ARHGAP39: variants seen among roughly 807,000 people sequenced by gnomAD.
ARHGAP39 encodes Rho GTPase activating protein 39, also known as rho GTPase-activating protein 39.
Under a neutral mutation model 106.9 loss-of-function variants are expected in ARHGAP39, and 44 were observed. That is an observed-to-expected ratio of 0.41 (90% CI 0.32 to 0.53). The LOEUF (loss-of-function observed/expected upper bound fraction) is 0.53, where lower values mean the gene tolerates loss of function less well. Among genes scored for constraint, ARHGAP39 ranks in the 20% least tolerant of loss-of-function variants. The pLI is 0.21. For synonymous variants in ARHGAP39, 768 were observed against 693.2 expected (o/e 1.11, Z -1.69); for missense variants, 1,496 against 1,577.3 (o/e 0.95, Z 0.87).
At chr8:144,565,518 G>A (rs574299274) in intron 3 of ARHGAP39, among the ~76,000 whole-genome samples, 42 of 151,922 alleles carry the variant, frequency 2.8e-4, no homozygotes, top group African/African-American at 8.4e-4. Flanking sequence ...GCGAAACCCC[G>A]TCTCTACTAA....
intron 1 of ARHGAP39, among the ~76,000 whole-genome samples, chr8:144,621,930 A>ACT (rs1820817663): frequency 6.6e-6 from 1 of 152,240 alleles, no homozygotes; most frequent in African/African-American, 2.4e-5. Context: ...ACGCTCAGGT[A>ACT]CTCCTCAGAA....
intron 3 of ARHGAP39, among the ~76,000 whole-genome samples, chr8:144,571,883 T>A (rs932874551): frequency 6.6e-6 from 1 of 152,134 alleles, no homozygotes; most frequent in Admixed American, 6.6e-5. Flanking sequence ...CCATTCACAA[T>A]TACTACAAAG....
upstream of ARHGAP39, among the ~76,000 whole-genome samples, chr8:144,690,119 T>A (rs573188129): frequency 6.6e-6 from 1 of 150,900 alleles, no homozygotes; most frequent in African/African-American, 2.4e-5. Context: ...TTATTTATTT[T>A]TAAGATGGAG....
Position 144,547,991 on chromosome 8 carries a change from G to A in ARHGAP39, c.1095C>T (p.Pro365=). ...TGAGCACCAGCTGCTGGCAGGGCGA[G>A]GGGGGGCCCTGCTTGTTGGGCTGGA... ...PFLQPNKQGP[P]SPCQQLVLTK... is the part of the protein sequence containing the mutation. Residue 365 remains proline (P), a synonymous_variant, in exon 5 of 12, where the codon CCC becomes CCT. Coordinates refer to ENST00000377307, the MANE Select transcript of ARHGAP39 (RefSeq NM_025251.3). The surrounding 1 kb of genome is among the most constrained non-coding windows in gnomAD (Gnocchi z 5.2). 6.2e-7 allele frequency: 1 copy of A among 1,608,080 alleles called. No individual in the cohort carries two copies. Among genetic ancestry groups the A allele is most frequent in the Non-Finnish European group, 8.5e-7 (1 of 1,177,686 alleles).
At chr8:144,583,329 C>T (rs1819067837) in intron 2 of ARHGAP39, among the ~76,000 whole-genome samples, 1 of 152,248 alleles carries the variant, frequency 6.6e-6, no homozygotes, top group Non-Finnish European at 1.5e-5. Context: ...GGTTAACAGC[C>T]TTCACCCAGA....
chr8:144,660,744 C>T (rs1021868683), intron 1 of ARHGAP39, among the ~76,000 whole-genome samples: 3 of 152,070 alleles, frequency 2.0e-5, no homozygotes, highest in Non-Finnish European at 2.9e-5. Flanking sequence ...CTTTGGGAGG[C>T]CGAGGCAGGC....
chr8:144,570,889 T>G (rs11991472), intron 3 of ARHGAP39, among the ~76,000 whole-genome samples: 14,081 of 151,992 alleles, frequency 0.093, 1,531 homozygotes, highest in African/African-American at 0.26. Flanking sequence ...TAGAAGAAAT[T>G]GATAAATTCC....
intron 1 of ARHGAP39, among the ~76,000 whole-genome samples, chr8:144,627,368 C>T (rs920247876): frequency 1.1e-4 from 16 of 152,152 alleles, no homozygotes; most frequent in Middle Eastern, 3.4e-3. Flanking sequence ...CTGGCTAACA[C>T]GGTGAAACCC....
intron 1 of ARHGAP39, among the ~76,000 whole-genome samples, chr8:144,633,840 G>C (rs1821123940): frequency 6.6e-6 from 1 of 152,222 alleles, no homozygotes; most frequent in South Asian, 2.1e-4. Context: ...CATGCCTGGT[G>C]AACCTATATT....
intron 1 of ARHGAP39, among the ~76,000 whole-genome samples, chr8:144,617,311 G>A (rs1191989928): frequency 4.0e-5 from 6 of 150,726 alleles, no homozygotes; most frequent in Non-Finnish European, 6.0e-5. Flanking sequence ...CGTCTCAAAG[G>A]GCTTCTCACC....
chr8:144,676,057 A>G lies in ARHGAP39; in HGVS notation c.-82+9629T>C, dbSNP rs1022304311. Among the ~76,000 whole-genome samples the G allele has an allele frequency of 6.6e-5, 10 of 152,328 alleles. No homozygotes were observed. The East Asian group carries it at 1.9e-3, about 29-fold the overall frequency. Reference sequence around the variant, plus strand: ...TTCTCGGTGAGTGTCACAGCTCATAAAGGCGGCGCGGACCCAAAGAGTGAG... The same window carrying G: ...TTCTCGGTGAGTGTCACAGCTCATAGAGGCGGCGCGGACCCAAAGAGTGAG... On this transcript the variant is annotated intron_variant, in intron 1 of 11. Coordinates refer to ENST00000377307, the MANE Select transcript of ARHGAP39 (RefSeq NM_025251.3).
intron 2 of ARHGAP39, among the ~76,000 whole-genome samples, chr8:144,593,101 C>T (rs1255609043): frequency 6.6e-6 from 1 of 152,188 alleles, no homozygotes; most frequent in Non-Finnish European, 1.5e-5. Context: ...GGGTACCCGG[C>T]GGGATGGGCC....
intron 3 of ARHGAP39, among the ~76,000 whole-genome samples, chr8:144,571,222 C>T (rs767936617): frequency 3.3e-5 from 5 of 152,096 alleles, no homozygotes; most frequent in Non-Finnish European, 5.9e-5. Context: ...AACATCGATG[C>T]GAAAATCCTC....
intron 3 of ARHGAP39, among the ~76,000 whole-genome samples, chr8:144,578,065 C>T (rs1237871487): frequency 6.6e-6 from 1 of 152,062 alleles, no homozygotes; most frequent in South Asian, 2.1e-4. Context: ...CTCCAAATAG[C>T]CAAAACAACC....
rs188515741 is a variant in ARHGAP39, at chr8:144,656,778, A to C, written c.-82+28908T>G. On this transcript the variant is annotated intron_variant, in intron 1 of 11. Transcript: ENST00000377307. ...AGCTGAGATGGTGCCACTGCACTCCAGCCTGGATGACAGAGCAAGACTCCA... is the reference window on the plus strand; with the variant it reads ...AGCTGAGATGGTGCCACTGCACTCCCGCCTGGATGACAGAGCAAGACTCCA... Among the ~76,000 whole-genome samples the C allele has an allele frequency of 4.6e-3, 598 of 130,988 alleles. 7 individuals are homozygous for C. The highest frequency in any genetic ancestry group is 0.016 in the African/African-American group (560 of 34,738). The allele number at this position is 130,988 out of a possible 152,430, so 85.9% of individuals were successfully genotyped here.
At chr8:144,560,210 G>C (rs909213783) in intron 3 of ARHGAP39, among the ~76,000 whole-genome samples, 1 of 152,218 alleles carries the variant, frequency 6.6e-6, no homozygotes, top group Non-Finnish European at 1.5e-5. Flanking sequence ...AAGGTGAGTG[G>C]ATCACTTGAG....
chr8:144,555,574 C>T lies in ARHGAP39; in HGVS notation c.582G>A (p.Gln194=). The T allele has an allele frequency of 6.2e-7, 1 of 1,614,024 alleles. No homozygotes were observed. Among genetic ancestry groups the T allele is most frequent in the Non-Finnish European group, 8.5e-7 (1 of 1,180,010 alleles). Reference sequence around the variant, plus strand: ...ATGGGTTCTACCTGTAGTGAAGAAGCTGGCCGTCCGCACTGTAATCCCGGT... The same window carrying T: ...ATGGGTTCTACCTGTAGTGAAGAAGTTGGCCGTCCGCACTGTAATCCCGGT... ...EIYRDYSADG[Q]LLHYRTSSLR... is the part of the protein sequence containing the mutation. The change falls in exon 4 of 12, where the codon CAG becomes CAA. Residue 194 remains glutamine (Q), a synonymous_variant. Transcript: ENST00000377307.
chr8:144,652,895 A>G (rs1384650417), intron 1 of ARHGAP39, among the ~76,000 whole-genome samples: 1 of 152,006 alleles, frequency 6.6e-6, no homozygotes, highest in Non-Finnish European at 1.5e-5. Context: ...AAACCTTCAC[A>G]TGTACCCCCC....
At chr8:144,560,447 CAAAAT>C (rs993109231) in intron 3 of ARHGAP39, among the ~76,000 whole-genome samples, 2 of 152,080 alleles carry the variant, frequency 1.3e-5, no homozygotes, top group African/African-American at 4.8e-5. Flanking sequence ...AAAAACAAAA[CAAAAT>C]AAAAAAACAA....
Sources: gnomAD v4.1 joint callset for allele counts (sites outside exome capture counted in the v4.1 genomes callset) on GRCh38, gnomAD v4.1.1 for gene constraint, Gnocchi (gnomAD v3.1) non-coding constraint, MANE v1.5 for transcripts, NCBI Gene and HGNC (gene_info 2026-07-23, HGNC 2026-07-21) for gene names.